The following GYS1 variants were observed in gnomAD, a reference collection of about 807,000 sequenced individuals.
The protein encoded by GYS1 is glycogen [starch] synthase, muscle.
A neutral mutation model predicts 89.1 loss-of-function variants in GYS1; 60 were observed. The ratio of observed to expected loss-of-function variants is 0.67; its 90% CI spans 0.55 to 0.84. GYS1 has a LOEUF of 0.84. Among genes scored for constraint, GYS1 ranks in the 40% least tolerant of loss-of-function variants. The pLI is 0.00. For synonymous variants in GYS1, 366 were observed against 401.7 expected (o/e 0.91, Z 1.06); for missense variants, 888 against 1,003.1 (o/e 0.89, Z 1.55).
At position 48,985,411 on chromosome 19, in the gene GYS1, A is replaced by AAT. The variant is rs763668956; in HGVS notation, c.823+49_823+50insAT. The AAT allele has an allele frequency of 6.9e-6, 11 of 1,596,870 alleles. No individual in the cohort carries two copies. The African/African-American group carries it at 1.5e-4, about 21-fold the overall frequency. On this transcript the variant is annotated intron_variant, in intron 5 of 15. Transcript: ENST00000323798. ...GCTGAGGAGCAACTGGCTTTGGCAT[A>AAT]GACAGCTGCCTACCTCATTCACGTC... is the stretch of plus-strand genomic sequence containing the variant.
intron 2 of GYS1, among the ~76,000 whole-genome samples, chr19:48,990,549 T>C (rs1335142488): frequency 6.6e-6 from 1 of 152,174 alleles, no homozygotes; most frequent in East Asian, 1.9e-4. Flanking sequence ...GTAACAATAA[T>C]GACGATGATC....
In GYS1 at chr19:48,991,397, T is replaced by C; in HGVS notation, c.205A>G (p.Thr69Ala). 6.2e-7 allele frequency: 1 copy of C among 1,614,138 alleles called. No homozygotes were observed. The highest frequency in any genetic ancestry group is 8.5e-7 in the Non-Finnish European group (1 of 1,180,038). ...ACCTGGGTCCTCACGCCCTGCTCCG[T>C]GTACGGCCCCACCAGGAAGTAGTTG... Reference protein sequence around the residue: ...GDNYFLVGPYTEQGVRTQVEL... With the variant: ...GDNYFLVGPYAEQGVRTQVEL... Residue 69 changes from threonine (T) to alanine (A), a missense_variant, in exon 2 of 16, where the codon ACG (threonine) becomes GCG (alanine). By Grantham distance (58) the Thr-to-Ala change is moderately conservative. Transcript: ENST00000323798. The surrounding 1 kb of genome is among the most constrained non-coding windows in gnomAD (Gnocchi z 4.7).
At chr19:48,992,260 T>TG (rs34942716) in intron 1 of GYS1, among the ~76,000 whole-genome samples, 1 of 152,124 alleles carries the variant, frequency 6.6e-6, no homozygotes, top group Non-Finnish European at 1.5e-5. Flanking sequence ...GGCTTGTTCC[T>TG]GGGGATTTCA....
intron 8 of GYS1, among the ~76,000 whole-genome samples, chr19:48,980,989 C>T (rs1568621550): frequency 6.6e-6 from 1 of 152,066 alleles, no homozygotes; most frequent in Non-Finnish European, 1.5e-5. Flanking sequence ...TGGCACACCC[C>T]TGTAGTCCCA....
chr19:48,978,813 G>A lies in GYS1; in HGVS notation c.1170-656C>T, dbSNP rs538907726. ...GCCTCCCAAAGTGCTGGAATTACAG[G>A]CATGAGCTGCCGCGCCCAGCTACCC... On this transcript the variant is annotated intron_variant, in intron 8 of 15. Transcript: ENST00000323798. Among the ~76,000 whole-genome samples, 19 of 152,310 alleles carry A rather than the reference G, an allele frequency of 1.2e-4. No homozygotes were observed. The East Asian group carries it at 3.5e-3, about 28-fold the overall frequency.
rs2038923797 is a variant in GYS1, at chr19:48,991,417, T to C, written c.185A>G (p.Tyr62Cys). The change falls in exon 2 of 16, where the codon TAC (tyrosine) becomes TGC (cysteine). Residue 62 changes from tyrosine to cysteine, a missense_variant. Transcript: ENST00000323798. This position sits in a 1 kb window ranked among gnomAD's most constrained non-coding sequence, Gnocchi z 4.7. ...CTCCGTGTACGGCCCCACCAGGAAG[T>C]AGTTGTCGCCCCATTCGTCCCCTGT... Reference protein sequence around the residue: ...KVTGDEWGDNYFLVGPYTEQG... With the variant: ...KVTGDEWGDNCFLVGPYTEQG... The C allele has an allele frequency of 6.2e-7, 1 of 1,614,052 alleles. No homozygotes were observed. The highest frequency in any genetic ancestry group is 8.5e-7 in the Non-Finnish European group (1 of 1,180,004).
At chr19:48,984,954 A>C (rs1221163206) in intron 5 of GYS1, among the ~76,000 whole-genome samples, 1 of 146,598 alleles carries the variant, frequency 6.8e-6, no homozygotes, top group Non-Finnish European at 1.5e-5. Context: ...GTAGGCTAAC[A>C]TAAAGTGTTC....
At chr19:48,972,709 C>T (rs2122469582) in intron 12 of GYS1, among the ~76,000 whole-genome samples, 1 of 151,952 alleles carries the variant, frequency 6.6e-6, no homozygotes, top group South Asian at 2.1e-4. Flanking sequence ...AAACTCATGT[C>T]CTCAAGTGAT....
chr19:48,985,616 G>A lies in GYS1; in HGVS notation c.679-11C>T, dbSNP rs759008936. On this transcript the variant is annotated splice_polypyrimidine_tract_variant and intron_variant, in intron 4 of 15. Transcript: ENST00000323798. ...CTTGTCCACGTTGAACTGGGTGGGAGGGGACAGCAGTCCGGTTAGAAGGAT... is the reference window on the plus strand; with the variant it reads ...CTTGTCCACGTTGAACTGGGTGGGAAGGGACAGCAGTCCGGTTAGAAGGAT... The A allele has an allele frequency of 4.3e-6, 7 of 1,613,960 alleles. No homozygotes were observed. In the South Asian group the frequency reaches 6.6e-5, roughly 15 times the overall value.
intron 15 of GYS1, 49 bp downstream of exon 15, chr19:48,969,726 A>C (rs774250076): frequency 1.3e-6 from 2 of 1,594,286 alleles, no homozygotes; most frequent in South Asian, 2.2e-5. Flanking sequence ...ACCCCACCGA[A>C]GCCCAGCCCT....
chr19:48,970,979 A>C lies in GYS1; in HGVS notation c.1594T>G (p.Ser532Ala). ...TCCTCCATGAAGCAGCCGAAGCCGG[A>C]GAGATTGGTGGAGATACTGGGGATT... The part of the protein sequence containing the change: ...MGIPSISTNL[S>A]GFGCFMEEHI... Residue 532 changes from serine to alanine, a missense_variant, in exon 13 of 16, where the codon TCC becomes GCC. Physicochemically the swap from Ser to Ala is moderately conservative, Grantham distance 99. Transcript: ENST00000323798. 2 of 1,613,840 alleles carry C rather than the reference A, an allele frequency of 1.2e-6. No homozygotes were observed. The highest frequency in any genetic ancestry group is 1.7e-6 in the Non-Finnish European group (2 of 1,179,760).
At chr19:48,979,343 T>C (rs74174263) in intron 8 of GYS1, among the ~76,000 whole-genome samples, 1,911 of 18,374 alleles carry the variant, frequency 0.1, 63 homozygotes, top group Middle Eastern at 0.18. Context: ...TTTCTTTTTT[T>C]TTTTTTTTTT....
chr19:48,969,949 T>TCTGCATAAA, intron 14 of GYS1, 94 bp from the exon 15 acceptor site: 3 of 789,072 alleles, frequency 3.8e-6, no homozygotes, highest in Non-Finnish European at 6.7e-6. Flanking sequence ...TTTATGCAGA[T>TCTGCATAAA]GAGCACACTG....
chr19:48,982,856 G>T lies in GYS1; in HGVS notation c.824-19C>A. The T allele has an allele frequency of 7.1e-7, 1 of 1,407,106 alleles. No individual in the cohort carries two copies. Among genetic ancestry groups the T allele is most frequent in the Non-Finnish European group, 1.0e-6 (1 of 990,876 alleles). 87.2% of individuals were successfully genotyped at this position (1,407,106 alleles called of 1,614,324 possible). ...ACAATATCTGGGATTGGGGGTGAGG[G>T]TCCCATGTTTTATTTGTTCATTCAG... On this transcript the variant is annotated intron_variant, in intron 5 of 15. Transcript: ENST00000323798.
At position 48,969,192 on chromosome 19, in the gene GYS1, G is replaced by C. The variant is rs1425011464; in HGVS notation, c.*96C>G. 8.6e-7 allele frequency: 1 copy of C among 1,156,944 alleles called. No individual in the cohort carries two copies. Among genetic ancestry groups the C allele is most frequent in the South Asian group, 1.5e-5 (1 of 68,118 alleles). The allele number at this position is 1,156,944 out of a possible 1,614,324, so 71.7% of individuals were successfully genotyped here. On this transcript the variant is annotated 3_prime_UTR_variant, in exon 16 of 16. Transcript: ENST00000323798. ...TGGGGGCACTGCGGGGCCACACCCA[G>C]TGCAGATCTGGAGCGGGGGTTTAGG...
In GYS1 at chr19:48,993,286, G is replaced by A. The variant is rs759277901; in HGVS notation, c.-174C>T. On this transcript the variant is annotated 5_prime_UTR_variant, in exon 1 of 16. Transcript: ENST00000323798. Reference sequence around the variant, plus strand: ...CCTGCCCCGAAGCGTTGGGACCTAGGCAGAAGGAGGCCGCAGCGTCACTGA... The same window carrying A: ...CCTGCCCCGAAGCGTTGGGACCTAGACAGAAGGAGGCCGCAGCGTCACTGA... 11 of 690,086 alleles carry A rather than the reference G, an allele frequency of 1.6e-5. No homozygotes were observed. In the African/African-American group the frequency reaches 1.9e-4, roughly 12 times the overall value. 42.7% of individuals were successfully genotyped at this position (690,086 alleles called of 1,614,324 possible).
chr19:48,969,679 G>A, intron 15 of GYS1, 68 bp from the exon 16 acceptor site: 1 of 1,572,600 alleles, frequency 6.4e-7, no homozygotes, highest in Non-Finnish European at 8.7e-7. Flanking sequence ...CAGGCATCCA[G>A]CCACCTCTAG....
intron 12 of GYS1, among the ~76,000 whole-genome samples, chr19:48,972,210 C>T (rs181431293): frequency 7.2e-5 from 11 of 151,764 alleles, no homozygotes; most frequent in Admixed American, 1.3e-4. Context: ...TGGTGGCAGG[C>T]GCCTATAGTC....
At chr19:48,987,086 A>G in intron 3 of GYS1, 108 bp downstream of exon 3, 1 of 804,524 alleles carries the variant, frequency 1.2e-6, no homozygotes, top group Admixed American at 2.0e-5. Context: ...CTTGGATTAA[A>G]GGACCCTATG....
Sources: allele counts gnomAD v4.1 joint callset (sites outside exome capture counted in the v4.1 genomes callset), GRCh38; gene constraint gnomAD v4.1.1; non-coding constraint Gnocchi (gnomAD v3.1); transcripts MANE v1.5; gene names NCBI Gene and HGNC (gene_info 2026-07-23, HGNC 2026-07-21).